Variants in PCDH9 observed in about 807,000 individuals in gnomAD.
The protein encoded by PCDH9 is protocadherin-9.
PCDH9 carries 24 observed loss-of-function variants against 70.6 expected under a neutral mutation model. The observed-to-expected ratio is 0.34, with a 90% confidence interval of 0.25 to 0.48. The LOEUF is 0.48. Among genes scored for constraint, PCDH9 ranks in the 20% least tolerant of loss-of-function variants. The pLI, the probability that PCDH9 is intolerant of heterozygous loss-of-function variation, is 0.99. For synonymous variants in PCDH9, 562 were observed against 558.5 expected (o/e 1.01, Z -0.09); for missense variants, 1,281 against 1,503.6 (o/e 0.85, Z 2.45).
intron 2 of PCDH9, among the ~76,000 whole-genome samples, chr13:67,135,565 G>A (rs2087214188): frequency 2.0e-5 from 3 of 151,990 alleles, no homozygotes; most frequent in Non-Finnish European, 2.9e-5. Flanking sequence ...TACTAGAAAC[G>A]GTAATTTCAC....
intron 4 of PCDH9, among the ~76,000 whole-genome samples, chr13:66,616,821 G>C (rs978401020): frequency 6.6e-6 from 1 of 152,106 alleles, no homozygotes; most frequent in African/African-American, 2.4e-5. Context: ...GAGGAGGGCT[G>C]AGTTCCGCAG....
At chr13:67,000,307 G>C (rs1389934949) in intron 2 of PCDH9, among the ~76,000 whole-genome samples, 1 of 133,538 alleles carries the variant, frequency 7.5e-6, no homozygotes, top group Middle Eastern at 3.8e-3. Flanking sequence ...ACAGGAAGGG[G>C]AACATCACAC....
At chr13:66,355,153 T>C (rs1340013056) in intron 4 of PCDH9, among the ~76,000 whole-genome samples, 1 of 152,064 alleles carries the variant, frequency 6.6e-6, no homozygotes, top group Non-Finnish European at 1.5e-5. Context: ...ACCTTAGTAA[T>C]GGCCTTAAGC....
At chr13:66,834,240 CTCCG>C (rs1280646171) in intron 3 of PCDH9, among the ~76,000 whole-genome samples, 1 of 143,548 alleles carries the variant, frequency 7.0e-6, no homozygotes, top group African/African-American at 2.5e-5. Flanking sequence ...TCACTGCAAA[CTCCG>C]TCCCCCGAGC....
At chr13:66,737,902 G>A (rs375406706) in intron 3 of PCDH9, among the ~76,000 whole-genome samples, 4 of 27,634 alleles carry the variant, frequency 1.4e-4, no homozygotes, top group African/African-American at 2.7e-4. Flanking sequence ...ACTGCAAGGC[G>A]GCAGCGAGGC....
intron 3 of PCDH9, among the ~76,000 whole-genome samples, chr13:66,680,587 C>T (rs2078305543): frequency 8.3e-6 from 1 of 120,272 alleles, no homozygotes; most frequent in African/African-American, 3.5e-5. Context: ...TCAGGTCGAA[C>T]TTTTATCCAT....
At chr13:67,174,280 C>CAGATGATAGA in intron 2 of PCDH9, among the ~76,000 whole-genome samples, 1 of 151,382 alleles carries the variant, frequency 6.6e-6, no homozygotes, top group African/African-American at 2.4e-5. Context: ...TGATAGATAG[C>CAGATGATAGA]TAGATAGACA....
intron 3 of PCDH9, among the ~76,000 whole-genome samples, chr13:66,661,850 G>A (rs542839490): frequency 4.7e-4 from 71 of 152,266 alleles, no homozygotes; most frequent in African/African-American, 1.6e-3. Flanking sequence ...TAATCAAAAA[G>A]TTCTGGAGTT....
intron 3 of PCDH9, among the ~76,000 whole-genome samples, chr13:66,784,645 A>G (rs1375663608): frequency 6.6e-6 from 1 of 152,188 alleles, no homozygotes; most frequent in African/African-American, 2.4e-5. Flanking sequence ...TAATTCACAC[A>G]ACCATTTCCT....
chr13:66,640,495 G>A (rs1401692363), intron 3 of PCDH9, among the ~76,000 whole-genome samples: 1 of 150,712 alleles, frequency 6.6e-6, no homozygotes, highest in Non-Finnish European at 1.5e-5. Flanking sequence ...GGCCAGACTG[G>A]TAAAAAAGTT....
chr13:67,063,313 G>A (rs1170588054), intron 2 of PCDH9, among the ~76,000 whole-genome samples: 1 of 152,052 alleles, frequency 6.6e-6, no homozygotes, highest in Non-Finnish European at 1.5e-5. Flanking sequence ...CCATTCACAA[G>A]GGACCATCTA....
intron 3 of PCDH9, among the ~76,000 whole-genome samples, chr13:66,758,222 T>C (rs992183636): frequency 6.6e-6 from 1 of 151,990 alleles, no homozygotes; most frequent in Non-Finnish European, 1.5e-5. Flanking sequence ...TTATCTCCTT[T>C]TGCATTTTTC....
chr13:66,980,375 G>A (rs958033310), intron 2 of PCDH9, among the ~76,000 whole-genome samples: 32 of 152,076 alleles, frequency 2.1e-4, no homozygotes, highest in African/African-American at 7.5e-4. Flanking sequence ...TCTTGTAAAA[G>A]TATAATGGGA....
chr13:66,705,472 C>T (rs940925089), intron 3 of PCDH9, among the ~76,000 whole-genome samples: 5 of 152,254 alleles, frequency 3.3e-5, no homozygotes, highest in Admixed American at 6.5e-5. Flanking sequence ...AACAACAAAT[C>T]GTCCAATCCC....
At chr13:67,148,102 T>A (rs765841749) in intron 2 of PCDH9, among the ~76,000 whole-genome samples, 3 of 152,150 alleles carry the variant, frequency 2.0e-5, no homozygotes, top group Non-Finnish European at 4.4e-5. Flanking sequence ...TAAATGCAGG[T>A]CTATCTTTTT....
intron 3 of PCDH9, among the ~76,000 whole-genome samples, chr13:66,733,279 A>G (rs1370065081): frequency 6.6e-6 from 1 of 152,158 alleles, no homozygotes; most frequent in Non-Finnish European, 1.5e-5. Flanking sequence ...TCAATAGGAT[A>G]GAAACTTAGA....
intron 4 of PCDH9, among the ~76,000 whole-genome samples, chr13:66,550,124 C>G (rs1464761734): frequency 6.6e-6 from 1 of 151,944 alleles, no homozygotes; most frequent in Non-Finnish European, 1.5e-5. Context: ...ATAACTTTAA[C>G]TCTTTAATTT....
chr13:67,225,585 T>C lies in PCDH9; in HGVS notation c.2856A>G (p.Pro952=), dbSNP rs749095761. 8.1e-6 allele frequency: 13 copies of C among 1,614,108 alleles called. No individual in the cohort carries two copies. In the East Asian group the frequency reaches 2.2e-4, roughly 28 times the overall value. ...ASPQPAFHLK[P]DTPVSVKKHH... ...GCTTTTTCACGGAAACTGGAGTGTC[T>C]GGTTTGAGATGAAAAGCAGGCTGTG... Residue 952 remains proline, a synonymous_variant, in exon 2 of 5, where the codon CCA becomes CCG. Coordinates refer to ENST00000377865, the MANE Select transcript of PCDH9 (RefSeq NM_203487.3).
intron 3 of PCDH9, among the ~76,000 whole-genome samples, chr13:66,730,572 A>C: frequency 6.6e-6 from 1 of 152,104 alleles, no homozygotes; most frequent in East Asian, 1.9e-4. Flanking sequence ...ACAATCACTA[A>C]CATTTGCATT....
Sources: allele counts gnomAD v4.1 joint callset (sites outside exome capture counted in the v4.1 genomes callset), GRCh38; gene constraint gnomAD v4.1.1; transcripts MANE v1.5; gene names NCBI Gene and HGNC (gene_info 2026-07-23, HGNC 2026-07-21).